ADGRA1: variants seen among roughly 807,000 people sequenced by gnomAD.
ADGRA1 encodes the protein adhesion G protein-coupled receptor A1, also known as G-protein coupled receptor 123.
In ADGRA1, 12 loss-of-function variants were observed where a neutral mutation model predicts 21.3. That is an observed-to-expected ratio of 0.56 (90% CI 0.36 to 0.91). The LOEUF is 0.91. ADGRA1 is among the 40% of genes least tolerant of loss of function. The probability of loss-of-function intolerance (pLI) is 0.01; values close to 1 mark genes in which losing one functional copy is unlikely to be tolerated. For missense variants in ADGRA1, 790 were observed against 805.6 expected (o/e 0.98, Z 0.23); for synonymous variants, 385 against 368.8 (o/e 1.04, Z -0.50).
chr10:133,102,912 TG>T, intron 5 of ADGRA1, 70 bp downstream of exon 5: 1 of 1,512,028 alleles, frequency 6.6e-7, no homozygotes, highest in Non-Finnish European at 9.0e-7. Context: ...TTCTGGGTCT[TG>T]GCAAACCTTC....
At chr10:133,121,731 TTG>T (rs528736253) in intron 5 of ADGRA1, among the ~76,000 whole-genome samples, 1,077 of 102,998 alleles carry the variant, frequency 0.01, 6 homozygotes, top group African/African-American at 0.023. Context: ...GTGAGTGTGC[TTG>T]TGTGTGTGGT....
intron 5 of ADGRA1, among the ~76,000 whole-genome samples, chr10:133,110,056 T>A (rs1397404685): frequency 1.3e-5 from 2 of 152,190 alleles, no homozygotes; most frequent in African/African-American, 4.8e-5. Context: ...CGTTCCTGGG[T>A]GTGGTTTGTC....
intron 5 of ADGRA1, among the ~76,000 whole-genome samples, chr10:133,121,754 G>T (rs1191956597): frequency 3.4e-5 from 5 of 147,502 alleles, no homozygotes; most frequent in Non-Finnish European, 7.4e-5. Flanking sequence ...GTGTGCCAGT[G>T]TGCGTGTGTG....
chr10:133,106,891 C>A (rs546704029), intron 5 of ADGRA1, among the ~76,000 whole-genome samples: 5 of 152,250 alleles, frequency 3.3e-5, no homozygotes, highest in African/African-American at 1.2e-4. Flanking sequence ...CCGCTCTGAG[C>A]GCCACTGGAG....
rs760064706 is a variant in ADGRA1 at position 133,129,055 on chromosome 10, C to T, written c.1227C>T (p.His409=). ...TGCAGGAGGAGGGCGCCTTCGGGCACGACCCCCACCTGCACGGGTGCCTTC... is the reference window on the plus strand; with the variant it reads ...TGCAGGAGGAGGGCGCCTTCGGGCATGACCCCCACCTGCACGGGTGCCTTC... ...VHLQEEGAFG[H]DPHLHGCLQG... is the part of the protein sequence containing the mutation. The change falls in exon 7 of 7, where the codon CAC becomes CAT. Residue 409 remains histidine (H), a synonymous_variant. Transcript: ENST00000392607. The T allele has an allele frequency of 7.1e-6, 11 of 1,552,764 alleles. No homozygotes were observed. The highest frequency in any genetic ancestry group is 5.9e-5 in the South Asian group (5 of 84,560).
At position 133,131,040 on chromosome 10, in the gene ADGRA1, G is replaced by A. The variant is rs530069937; in HGVS notation, c.*1529G>A. On this transcript the variant is annotated 3_prime_UTR_variant, in exon 7 of 7. Transcript: ENST00000392607. ...GTCAGCAGACTCGTCGGTGCGCTGT[G>A]CTATCCGGTTGGGAGGTCTCACCAG... The A allele has an allele frequency of 1.3e-5, 2 of 152,240 alleles. No individual in the cohort carries two copies. Among genetic ancestry groups the A allele is most frequent in the African/African-American group, 4.8e-5 (2 of 41,464 alleles). The allele number at this position is 152,240 out of a possible 1,614,324, so 9.4% of individuals were successfully genotyped here. A position where few individuals can be genotyped will look rare whatever the true frequency, so the allele number is the denominator to read the frequency against.
chr10:133,121,741 G>GGT lies in ADGRA1; in HGVS notation c.402-5486_402-5485dup, dbSNP rs371131526. 8.9e-3 allele frequency among the ~76,000 whole-genome samples: 1,330 copies of GGT among 148,890 alleles called. 23 individuals carry two copies. The highest frequency in any genetic ancestry group is 0.029 in the African/African-American group (1,172 of 40,044). ...TGCGTGTGAGTGTGCTTGTGTGTGT[G>GGT]GTGTGTGCCAGTGTGCGTGTGTGCA... On this transcript the variant is annotated intron_variant, in intron 5 of 6. Coordinates refer to ENST00000392607, the MANE Select transcript of ADGRA1 (RefSeq NM_001083909.3).
chr10:133,100,329 C>T (rs945751323), intron 4 of ADGRA1, among the ~76,000 whole-genome samples: 4 of 152,254 alleles, frequency 2.6e-5, no homozygotes, highest in African/African-American at 4.8e-5. Flanking sequence ...ATTGACGTCC[C>T]GCCTGTAAGT....
At chr10:133,123,389 G>A (rs1247070551) in intron 5 of ADGRA1, among the ~76,000 whole-genome samples, 1 of 152,188 alleles carries the variant, frequency 6.6e-6, no homozygotes, top group Non-Finnish European at 1.5e-5. Context: ...AGTCAGCTTT[G>A]GAACCCAAAG....
intron 5 of ADGRA1, among the ~76,000 whole-genome samples, chr10:133,111,833 AC>A (rs1339867212): frequency 8.0e-5 from 12 of 149,712 alleles, no homozygotes; most frequent in Admixed American, 1.3e-4. Flanking sequence ...ATCCCACCAG[AC>A]CACCTGCCCA....
intron 6 of ADGRA1, 103 bp from the exon 7 acceptor site, chr10:133,128,226 C>A: frequency 1.2e-6 from 1 of 845,692 alleles, no homozygotes; most frequent in Non-Finnish European, 1.7e-6. Flanking sequence ...CTGTGCAAAG[C>A]CACTCGCTAG....
At chr10:133,092,187 G>A (rs541381477) in intron 2 of ADGRA1, among the ~76,000 whole-genome samples, 2 of 152,206 alleles carry the variant, frequency 1.3e-5, no homozygotes, top group East Asian at 1.9e-4. Flanking sequence ...AAGGATGGTC[G>A]GTCGCGCGTA....
chr10:133,093,213 C>G, intron 2 of ADGRA1: 1 of 1,592,124 alleles, frequency 6.3e-7, no homozygotes. Context: ...CTGGCATTCC[C>G]CAGGTTTGAA....
intron 5 of ADGRA1, among the ~76,000 whole-genome samples, chr10:133,107,991 G>A (rs1161486666): frequency 6.6e-6 from 1 of 152,234 alleles, no homozygotes; most frequent in Non-Finnish European, 1.5e-5. Flanking sequence ...AGGGGTGTGA[G>A]GGAGTGGGTG....
intron 5 of ADGRA1, among the ~76,000 whole-genome samples, chr10:133,110,117 G>C (rs187191147): frequency 6.6e-6 from 1 of 152,240 alleles, no homozygotes; most frequent in East Asian, 1.9e-4. Context: ...CATCCAGCAG[G>C]GTCCAAGACT....
intron 5 of ADGRA1, among the ~76,000 whole-genome samples, chr10:133,107,395 T>C (rs1851913063): frequency 1.3e-5 from 2 of 152,010 alleles, no homozygotes; most frequent in Non-Finnish European, 1.5e-5. Context: ...CTCTTTTTTT[T>C]CTTTGTCGGT....
At position 133,129,059 on chromosome 10, in the gene ADGRA1, C is replaced by A; in HGVS notation, c.1231C>A (p.Pro411Thr). ...GGAGGAGGGCGCCTTCGGGCACGAC[C>A]CCCACCTGCACGGGTGCCTTCAGGG... ...LQEEGAFGHD[P>T]HLHGCLQGRT... is the part of the protein sequence containing the mutation. Residue 411 changes from proline to threonine, a missense_variant, in exon 7 of 7, where the codon CCC (proline) becomes ACC (threonine). This residue lies in a region of ADGRA1 where 391 missense variants were observed against 351.5 expected (regional missense o/e 1.11). Coordinates refer to ENST00000392607, the MANE Select transcript of ADGRA1 (RefSeq NM_001083909.3). The A allele has an allele frequency of 6.4e-7, 1 of 1,553,328 alleles. No homozygotes were observed. Among genetic ancestry groups the A allele is most frequent in the Non-Finnish European group, 8.7e-7 (1 of 1,147,422 alleles).
intron 5 of ADGRA1, among the ~76,000 whole-genome samples, chr10:133,123,882 G>T (rs1166186943): frequency 4.6e-5 from 7 of 152,302 alleles, no homozygotes; most frequent in African/African-American, 1.4e-4. Flanking sequence ...ACCCAGGGCA[G>T]TCTCCACCAT....
chr10:133,111,768 C>A (rs2135890299), intron 5 of ADGRA1, among the ~76,000 whole-genome samples: 3 of 143,618 alleles, frequency 2.1e-5, no homozygotes, highest in South Asian at 4.7e-4. Context: ...CCGCCACAGA[C>A]ACCTCCCTCC....
Sources: allele counts gnomAD v4.1 joint callset (sites outside exome capture counted in the v4.1 genomes callset), GRCh38; gene constraint gnomAD v4.1.1; regional missense constraint gnomAD v4.1.1; transcripts MANE v1.5; gene names NCBI Gene and HGNC (gene_info 2026-07-23, HGNC 2026-07-21).